The following ZDHHC7 variants were observed in gnomAD, a reference collection of about 807,000 sequenced individuals.
ZDHHC7 encodes the protein zDHHC palmitoyltransferase 7.
Under a neutral mutation model 34.1 loss-of-function variants are expected in ZDHHC7, and 12 were observed. The observed-to-expected ratio is 0.35, with a 90% CI of 0.23 to 0.57. The LOEUF (loss-of-function observed/expected upper bound fraction) is 0.57, where lower values mean the gene tolerates loss of function less well. Among genes scored for constraint, ZDHHC7 ranks in the 20% least tolerant of loss-of-function variants. The probability of loss-of-function intolerance (pLI) is 0.84; values close to 1 mark genes in which losing one functional copy is unlikely to be tolerated. For missense variants in ZDHHC7, 388 were observed against 402.7 expected (o/e 0.96, Z 0.31); for synonymous variants, 185 against 155.4 (o/e 1.19, Z -1.42).
At chr16:84,978,708 C>A (rs754514455) in intron 5 of ZDHHC7, among the ~76,000 whole-genome samples, 1 of 151,898 alleles carries the variant, frequency 6.6e-6, no homozygotes, top group Non-Finnish European at 1.5e-5. Flanking sequence ...ACGAAAAATA[C>A]AAAATTAGCC....
chr16:85,004,672 G>C (rs2072695442), intron 1 of ZDHHC7, among the ~76,000 whole-genome samples: 1 of 151,994 alleles, frequency 6.6e-6, no homozygotes, highest in Non-Finnish European at 1.5e-5. Flanking sequence ...AGTATCCCCA[G>C]CACTCCCGGG....
Position 85,011,442 on chromosome 16 carries a change from G to T in ZDHHC7, c.-260C>A, listed in dbSNP as rs1168068958. 1.3e-5 allele frequency: 2 copies of T among 152,172 alleles called. No homozygotes were observed. Among genetic ancestry groups the T allele is most frequent in the East Asian group, 1.9e-4 (1 of 5,168 alleles). The allele number at this position is 152,172 out of a possible 1,614,324, so 9.4% of individuals were successfully genotyped here. ...GGCTCGGCTCGGCTTGGTCCCCTGG[G>T]TCCCGCCGGGCAGGTCGGAAGGAGG... On this transcript the variant is annotated 5_prime_UTR_variant, in exon 1 of 8. Transcript: ENST00000313732.
chr16:85,019,566 A>T, the ZDHHC7 span, among the ~76,000 whole-genome samples: 1 of 152,036 alleles, frequency 6.6e-6, no homozygotes, highest in African/African-American at 2.4e-5. Context: ...AAAAATGCAA[A>T]AATAGCCGGG....
intron 3 of ZDHHC7, among the ~76,000 whole-genome samples, chr16:84,987,715 G>C (rs912717881): frequency 1.3e-5 from 2 of 152,198 alleles, no homozygotes; most frequent in Non-Finnish European, 2.9e-5. Flanking sequence ...ATCAACTAAC[G>C]ATGGCTATAG....
chr16:85,001,470 C>CA (rs71151261), intron 1 of ZDHHC7, among the ~76,000 whole-genome samples: 87 of 95,318 alleles, frequency 9.1e-4, no homozygotes, highest in Middle Eastern at 0.012. Flanking sequence ...GACCCTGTCT[C>CA]AAAAAAAAAA....
intron 1 of ZDHHC7, among the ~76,000 whole-genome samples, chr16:85,009,963 C>A (rs139735514): frequency 0.097 from 14,739 of 151,950 alleles, 780 homozygotes; most frequent in South Asian, 0.15. Context: ...CCGCCTCGGC[C>A]TCCCAAAGTG....
At chr16:84,995,688 C>T (rs2072567995) in intron 2 of ZDHHC7, among the ~76,000 whole-genome samples, 1 of 152,146 alleles carries the variant, frequency 6.6e-6, no homozygotes, top group Non-Finnish European at 1.5e-5. Context: ...GGGTATTCCC[C>T]TCATCTTGTG....
chr16:85,013,763 G>C (rs994460182), upstream of ZDHHC7, among the ~76,000 whole-genome samples: 4 of 151,720 alleles, frequency 2.6e-5, no homozygotes, highest in African/African-American at 9.7e-5. Flanking sequence ...ATCTCAGCTC[G>C]CTGCAACCTC....
At chr16:84,995,348 G>A (rs1020354021) in intron 2 of ZDHHC7, among the ~76,000 whole-genome samples, 6 of 152,176 alleles carry the variant, frequency 3.9e-5, no homozygotes, top group African/African-American at 1.4e-4. Flanking sequence ...GTTTCAGGCC[G>A]GGCACAGTGG....
At chr16:85,010,017 CTT>C (rs2072769988) in intron 1 of ZDHHC7, among the ~76,000 whole-genome samples, 2 of 148,876 alleles carry the variant, frequency 1.3e-5, no homozygotes, top group Admixed American at 1.3e-4. Context: ...CAAGTTCTGA[CTT>C]TTAACAAGCG....
At chr16:84,981,724 A>G in intron 4 of ZDHHC7, 146 bp downstream of exon 4, 5 of 1,486,136 alleles carry the variant, frequency 3.4e-6, no homozygotes, top group Non-Finnish European at 4.6e-6. Context: ...CAGAAAGAAC[A>G]TGACACCTAC....
chr16:84,979,138 T>G (rs1158770596), intron 5 of ZDHHC7, 51 bp downstream of exon 5: 1 of 1,549,042 alleles, frequency 6.5e-7, no homozygotes, highest in Non-Finnish European at 8.7e-7. Flanking sequence ...AAGAAGCAGT[T>G]AAAGAATTTC....
chr16:84,977,070 C>T, intron 7 of ZDHHC7, 25 bp downstream of exon 7: 1 of 1,613,618 alleles, frequency 6.2e-7, no homozygotes, highest in Non-Finnish European at 8.5e-7. Context: ...CATATGAAGT[C>T]CACACAGCCG....
At chr16:84,977,839 A>G in intron 6 of ZDHHC7, 85 bp downstream of exon 6, 1 of 1,101,536 alleles carries the variant, frequency 9.1e-7, no homozygotes, top group Non-Finnish European at 1.3e-6. Context: ...TCAAAATTGG[A>G]AAACTGGTTC....
At chr16:85,008,751 GA>G (rs34299642) in intron 1 of ZDHHC7, among the ~76,000 whole-genome samples, 42,816 of 146,786 alleles carry the variant, frequency 0.29, 6,370 homozygotes, top group Admixed American at 0.36. Context: ...AGGGTTTGAA[GA>G]AAAAAAAAAA....
At chr16:85,005,397 T>C (rs1206041423) in intron 1 of ZDHHC7, among the ~76,000 whole-genome samples, 2 of 152,226 alleles carry the variant, frequency 1.3e-5, no homozygotes, top group African/African-American at 4.8e-5. Flanking sequence ...AGAAAGGCTA[T>C]TTACTGAGCA....
chr16:84,982,248 G>A lies in ZDHHC7; in HGVS notation c.316-254C>T, dbSNP rs2072380361. 5 of 340,768 alleles carry A rather than the reference G, an allele frequency of 1.5e-5. No individual in the cohort carries two copies. In the Admixed American group the frequency reaches 2.0e-4, roughly 14 times the overall value. The allele number at this position is 340,768 out of a possible 1,614,324, so 21.1% of individuals were successfully genotyped here. On this transcript the variant is annotated intron_variant, in intron 3 of 7. Transcript: ENST00000313732. ...TAATCCCAGCTACTTAGGAGGCTGA[G>A]GCAGGAGAATCGCTTGAACTCAGGA... is the stretch of plus-strand genomic sequence containing the variant.
the ZDHHC7 span, among the ~76,000 whole-genome samples, chr16:85,022,150 A>G: frequency 4.6e-5 from 7 of 150,684 alleles, no homozygotes; most frequent in South Asian, 1.5e-3. Context: ...ACAGAGCGAA[A>G]CTCTGTCTCA....
chr16:84,989,147 C>G (rs1366833745), intron 3 of ZDHHC7, among the ~76,000 whole-genome samples: 1 of 152,238 alleles, frequency 6.6e-6, no homozygotes, highest in Non-Finnish European at 1.5e-5. Context: ...ACTCCACCAT[C>G]AGATCAGGCT....
Sources: gnomAD v4.1 joint callset for allele counts (sites outside exome capture counted in the v4.1 genomes callset) on GRCh38, gnomAD v4.1.1 for gene constraint, MANE v1.5 for transcripts, NCBI Gene and HGNC (gene_info 2026-07-23, HGNC 2026-07-21) for gene names.